Variants in LEF1 observed in about 807,000 individuals in gnomAD.
LEF1 encodes the protein lymphoid enhancer binding factor 1.
A neutral mutation model predicts 51.2 loss-of-function variants in LEF1; 14 were observed. The observed-to-expected ratio is 0.27, with a 90% confidence interval of 0.18 to 0.43. The LOEUF (loss-of-function observed/expected upper bound fraction) is 0.43. Ranked by LOEUF, LEF1 falls within the 20% of genes least tolerant of loss-of-function variation. The pLI, the probability that LEF1 is intolerant of heterozygous loss-of-function variation, is 1.00. For synonymous variants in LEF1, 185 were observed against 183.2 expected (o/e 1.01, Z -0.08); for missense variants, 386 against 512.0 (o/e 0.75, Z 2.37).
At chr4:108,115,927 C>T (rs1741812493) in intron 3 of LEF1, among the ~76,000 whole-genome samples, 1 of 151,806 alleles carries the variant, frequency 6.6e-6, no homozygotes, top group Non-Finnish European at 1.5e-5. Context: ...TGCAGTGCCC[C>T]TTCCTCTTTA....
At chr4:108,083,710 A>G (rs550804978) in intron 4 of LEF1, among the ~76,000 whole-genome samples, 1 of 152,312 alleles carries the variant, frequency 6.6e-6, no homozygotes, top group Admixed American at 6.5e-5. Flanking sequence ...ATAGACTTTT[A>G]AATTATTTGT....
chr4:108,149,572 T>C (rs574803934), intron 3 of LEF1, among the ~76,000 whole-genome samples: 2 of 147,088 alleles, frequency 1.4e-5, no homozygotes, highest in South Asian at 4.3e-4. Context: ...ATAAATCCAA[T>C]AAATTAAAGT....
At chr4:108,069,384 C>A (rs750990105) in intron 9 of LEF1, among the ~76,000 whole-genome samples, 1 of 152,134 alleles carries the variant, frequency 6.6e-6, no homozygotes, top group African/African-American at 2.4e-5. Context: ...AAAGTCTTTG[C>A]CCTATCAAGA....
chr4:108,113,301 C>A (rs1252784892), intron 3 of LEF1, among the ~76,000 whole-genome samples: 3 of 152,142 alleles, frequency 2.0e-5, no homozygotes, highest in Non-Finnish European at 4.4e-5. Context: ...TAGTTGCTGC[C>A]AGGGGCATGT....
At chr4:108,051,249 G>A (rs546227787) in intron 11 of LEF1, among the ~76,000 whole-genome samples, 1 of 151,938 alleles carries the variant, frequency 6.6e-6, no homozygotes, top group Admixed American at 6.5e-5. Context: ...TCCCTTTCAG[G>A]GACTAGTGCT....
intron 11 of LEF1, among the ~76,000 whole-genome samples, chr4:108,059,231 A>C (rs1217442333): frequency 6.6e-6 from 1 of 152,268 alleles, no homozygotes; most frequent in Admixed American, 6.5e-5. Flanking sequence ...TTCAGGAGCC[A>C]GCCTCTCCGC....
intron 8 of LEF1, among the ~76,000 whole-genome samples, chr4:108,074,264 T>C (rs1055265252): frequency 6.6e-6 from 1 of 152,206 alleles, no homozygotes; most frequent in African/African-American, 2.4e-5. Context: ...TCAAACTTTT[T>C]AAAAATCAAA....
At chr4:108,089,750 T>C (rs948193670) in intron 3 of LEF1, among the ~76,000 whole-genome samples, 1 of 152,118 alleles carries the variant, frequency 6.6e-6, no homozygotes, top group Non-Finnish European at 1.5e-5. Flanking sequence ...ACCCAATAAA[T>C]ATAAATTTCC....
chr4:108,138,337 C>CT (rs1433385594), intron 3 of LEF1, among the ~76,000 whole-genome samples: 1 of 152,084 alleles, frequency 6.6e-6, no homozygotes, highest in Non-Finnish European at 1.5e-5. Flanking sequence ...TTTGCATTGC[C>CT]TTTACACAAG....
chr4:108,058,576 G>C, intron 11 of LEF1, among the ~76,000 whole-genome samples: 2 of 152,054 alleles, frequency 1.3e-5, no homozygotes, highest in South Asian at 4.2e-4. Flanking sequence ...CCCAAATTCC[G>C]CCACCAACCT....
At chr4:108,121,115 T>C (rs1313171907) in intron 3 of LEF1, among the ~76,000 whole-genome samples, 3 of 152,206 alleles carry the variant, frequency 2.0e-5, no homozygotes, top group Non-Finnish European at 2.9e-5. Flanking sequence ...ACACATGTGC[T>C]TAAGGGCCTA....
At chr4:108,112,826 C>G (rs1741613102) in intron 3 of LEF1, among the ~76,000 whole-genome samples, 1 of 152,146 alleles carries the variant, frequency 6.6e-6, no homozygotes, top group South Asian at 2.1e-4. Context: ...AATCCTATAC[C>G]CTTGTAGAGA....
intron 3 of LEF1, among the ~76,000 whole-genome samples, chr4:108,099,681 C>G (rs1254193691): frequency 6.8e-6 from 1 of 146,506 alleles, no homozygotes; most frequent in African/African-American, 2.5e-5. Flanking sequence ...TAGGTATACA[C>G]GTGCCCTGGT....
intron 3 of LEF1, among the ~76,000 whole-genome samples, chr4:108,126,180 C>A (rs903129637): frequency 1.3e-5 from 2 of 152,044 alleles, no homozygotes; most frequent in African/African-American, 4.8e-5. Flanking sequence ...GAATAAGAAG[C>A]CAATTCTAGA....
intron 8 of LEF1, among the ~76,000 whole-genome samples, chr4:108,077,387 G>A (rs1738939668): frequency 6.6e-6 from 1 of 151,782 alleles, no homozygotes; most frequent in African/African-American, 2.4e-5. Flanking sequence ...TCTGGGAGGT[G>A]AGGGGCACCT....
intron 3 of LEF1, among the ~76,000 whole-genome samples, chr4:108,092,154 T>A (rs1275247598): frequency 6.6e-6 from 1 of 152,212 alleles, no homozygotes; most frequent in Non-Finnish European, 1.5e-5. Flanking sequence ...CCTCTTAATT[T>A]TACGGTTTTC....
In LEF1 at chr4:108,063,680, C is replaced by T. The variant is rs761433318; in HGVS notation, c.1166-17G>A. On this transcript the variant is annotated splice_polypyrimidine_tract_variant and intron_variant, in intron 10 of 11. Coordinates refer to ENST00000265165, the MANE Select transcript of LEF1 (RefSeq NM_016269.5). The stretch of plus-strand genomic sequence containing the variant: ...GACCTGTACCTGCAGAAAATTGTGT[C>T]TTTAACAAATTTTTATTGAAGAGGT... 3 of 1,577,596 alleles carry T rather than the reference C, an allele frequency of 1.9e-6. No homozygotes were observed. The highest frequency in any genetic ancestry group is 2.3e-5 in the South Asian group (2 of 85,274).
intron 9 of LEF1, among the ~76,000 whole-genome samples, chr4:108,069,765 T>C (rs1234510849): frequency 1.3e-5 from 2 of 152,110 alleles, no homozygotes; most frequent in East Asian, 1.9e-4. Flanking sequence ...AAGACCAGCC[T>C]GGCCAACATG....
chr4:108,064,684 C>CG (rs1369209461), intron 9 of LEF1, among the ~76,000 whole-genome samples: 1 of 83,074 alleles, frequency 1.2e-5, no homozygotes, highest in Non-Finnish European at 3.1e-5. Context: ...CACACACACA[C>CG]ACACACACAA....
Sources: gnomAD v4.1 joint callset for allele counts (sites outside exome capture counted in the v4.1 genomes callset) on GRCh38, gnomAD v4.1.1 for gene constraint, MANE v1.5 for transcripts, NCBI Gene and HGNC (gene_info 2026-07-23, HGNC 2026-07-21) for gene names.